SPIN3: variants seen among roughly 807,000 people sequenced by gnomAD.
SPIN3 encodes the protein spindlin family member 3.
For missense variants in SPIN3, 176 were observed against 196.4 expected, an observed-to-expected ratio of 0.90 and a Z score of 0.62; for synonymous variants, 74 against 74.3, an observed-to-expected ratio of 1.00 and a Z score of 0.02.
intron 3 of SPIN3, among the ~76,000 whole-genome samples, chrX:56,983,631 G>A (rs1034729384): frequency 2.7e-5 from 3 of 112,523 alleles, no homozygotes; most frequent in South Asian, 3.6e-4. Flanking sequence ...TAAGGCCAAC[G>A]AATATCTACA....
intron 1 of SPIN3, 21 bp downstream of exon 1, chrX:56,995,195 T>A: frequency 3.0e-6 from 1 of 338,736 alleles, no homozygotes; most frequent in Non-Finnish European, 5.1e-6. Flanking sequence ...CCCATTCCCC[T>A]CGCCCTGCTT....
chrX:56,981,047 AGGCCTAAAGCCTCT>A (rs1220700319), intron 3 of SPIN3, among the ~76,000 whole-genome samples: 1 of 109,689 alleles, frequency 9.1e-6, no homozygotes, highest in Non-Finnish European at 1.9e-5. Context: ...AGGGAAGAAG[AGGCCTAAAGCCTCT>A]CTAAATCCAC....
intron 3 of SPIN3, chrX:56,980,000 C>T (rs1170521482): frequency 8.9e-6 from 1 of 111,771 alleles, no homozygotes; most frequent in East Asian, 2.8e-4. Flanking sequence ...GCACTGTCAA[C>T]AACTTCACAC....
chrX:56,991,012 C>T lies in SPIN3; in HGVS notation c.*3159G>A, dbSNP rs1206264278. ...GGAATGATACATCAGTAACTGGTAA[C>T]AGTTGTTACTTTTTGAAAATGGGAC... is the stretch of plus-strand genomic sequence containing the variant. On this transcript the variant is annotated 3_prime_UTR_variant, in exon 2 of 2. Coordinates refer to ENST00000374919, the MANE Select transcript of SPIN3 (RefSeq NM_001010862.3). The T allele has an allele frequency of 9.1e-6, 1 of 110,328 alleles. No homozygotes were observed. The highest frequency in any genetic ancestry group is 9.6e-5 in the Admixed American group (1 of 10,387). The allele number at this position is 110,328 out of a possible 1,213,427, so 9.1% of individuals were successfully genotyped here. A position where few individuals can be genotyped will look rare whatever the true frequency, so the allele number is the denominator to read the frequency against.
At chrX:56,983,219 C>T (rs1034675532) in intron 3 of SPIN3, among the ~76,000 whole-genome samples, 4 of 111,817 alleles carry the variant, frequency 3.6e-5, no homozygotes, top group Non-Finnish European at 5.6e-5. Flanking sequence ...CCTGCCTTTC[C>T]TTGTGCAGGG....
chrX:56,985,739 C>A (rs1360503928), intron 2 of SPIN3, among the ~76,000 whole-genome samples: 2 of 111,870 alleles, frequency 1.8e-5, no homozygotes, highest in African/African-American at 3.3e-5. Context: ...ATTATTTAGA[C>A]CCTTATTTCC....
chrX:56,984,981 C>T lies in SPIN3; in HGVS notation c.226-503G>A, dbSNP rs1602739580. Among the ~76,000 whole-genome samples, 3 of 111,737 alleles carry T rather than the reference C, an allele frequency of 2.7e-5. No individual in the cohort carries two copies. In the South Asian group the frequency reaches 1.1e-3, roughly 42 times the overall value. On this transcript the variant is annotated intron_variant and NMD_transcript_variant, in intron 2 of 5. Transcript: ENST00000475785. ...CCTTCTTCATCTCTATCAGTGGCAA[C>T]TCCATCTTCCCAGTTGTTTTTTGGA... is the stretch of plus-strand genomic sequence containing the variant.
In SPIN3 at chrX:56,992,251, T is replaced by C; in HGVS notation, c.*1920A>G. 1 of 297,055 alleles carries C rather than the reference T, an allele frequency of 3.4e-6. No homozygotes were observed. The highest frequency in any genetic ancestry group is 4.8e-5 in the East Asian group (1 of 21,038). The allele number at this position is 297,055 out of a possible 1,213,427, so 24.5% of individuals were successfully genotyped here. ...AGTTGAATTAATCTAACCCCACAAT[T>C]GCATGTCATACATATTAAAGAGTCC... On this transcript the variant is annotated 3_prime_UTR_variant, in exon 2 of 2. Transcript: ENST00000374919.
downstream of SPIN3, among the ~76,000 whole-genome samples, chrX:56,990,371 G>A (rs1273623972): frequency 9.0e-6 from 1 of 111,497 alleles, no homozygotes; most frequent in Non-Finnish European, 1.9e-5. Flanking sequence ...ATTGATCAAC[G>A]TTTGGTAACA....
chrX:56,988,132 C>G (rs1028184826), downstream of SPIN3, among the ~76,000 whole-genome samples: 1 of 111,365 alleles, frequency 9.0e-6, no homozygotes, highest in Admixed American at 9.6e-5. Flanking sequence ...GTTTTTTTCA[C>G]TTATTCCACC....
At chrX:56,989,276 A>G (rs1924283610), downstream of SPIN3, among the ~76,000 whole-genome samples, 1 of 111,441 alleles carries the variant, frequency 9.0e-6, no homozygotes, top group Non-Finnish European at 1.9e-5. Flanking sequence ...CAGTAACTAG[A>G]TAAGACTTCA....
At chrX:56,986,084 T>A (rs1924215686), downstream of SPIN3, among the ~76,000 whole-genome samples, 1 of 111,569 alleles carries the variant, frequency 9.0e-6, no homozygotes, top group African/African-American at 3.3e-5. Context: ...TTATTATTAT[T>A]ATTTTTTTAA....
At chrX:56,981,684 T>C (rs1267058304) in intron 3 of SPIN3, 1 of 112,416 alleles carries the variant, frequency 8.9e-6, no homozygotes, top group African/African-American at 3.2e-5. Context: ...CTGGATTTTA[T>C]ACTTATTTCC....
rs1175565830 is a variant in SPIN3 at position 56,990,857 on chromosome X, T to C, written c.*3314A>G. ...AGGGATTAAGATATCAGCTTTAATATATTGTTCAGTGAAAAAAGCAAAATT... is the reference window on the plus strand; with the variant it reads ...AGGGATTAAGATATCAGCTTTAATACATTGTTCAGTGAAAAAAGCAAAATT... On this transcript the variant is annotated 3_prime_UTR_variant, in exon 2 of 2. Transcript: ENST00000374919. 9.1e-6 allele frequency: 1 copy of C among 109,680 alleles called. No homozygotes were observed. Among genetic ancestry groups the C allele is most frequent in the Non-Finnish European group, 1.9e-5 (1 of 52,710 alleles). The allele number at this position is 109,680 out of a possible 1,213,427, so 9.0% of individuals were successfully genotyped here.
Position 56,994,776 on chromosome X carries a change from A to C in SPIN3, c.172T>G (p.Trp58Gly). ...NIVGCRIQHG[W>G]KDGDEPLTQW... ...GTTAGAGGTTCATCTCCATCTTTCC[A>C]TCCGTGCTGAATTCTGCAGCCCACG... Residue 58 changes from tryptophan (W) to glycine (G), a missense_variant, in exon 2 of 2, where the codon TGG becomes GGG. Coordinates refer to ENST00000374919, the MANE Select transcript of SPIN3 (RefSeq NM_001010862.3). The C allele has an allele frequency of 8.3e-7, 1 of 1,211,469 alleles. No individual in the cohort carries two copies. The highest frequency in any genetic ancestry group is 1.1e-6 in the Non-Finnish European group (1 of 895,450).
At chrX:56,981,250 G>C (rs947289090) in intron 3 of SPIN3, among the ~76,000 whole-genome samples, 6 of 108,408 alleles carry the variant, frequency 5.5e-5, no homozygotes, top group Non-Finnish European at 1.1e-4. Flanking sequence ...TGTAGTCACA[G>C]ATACTTGGGA....
At chrX:56,984,964 A>G (rs1924194310) in intron 2 of SPIN3, among the ~76,000 whole-genome samples, 1 of 111,454 alleles carries the variant, frequency 9.0e-6, no homozygotes, top group Non-Finnish European at 1.9e-5. Context: ...AGCCTTCTTC[A>G]TCTCTATCAG....
rs1253866441 is a variant in SPIN3, at chrX:56,990,895, T to G, written c.*3276A>C. Reference sequence around the variant, plus strand: ...AAAAAGCAAAATTCAGAACAGCATGTATAGTATGCCACCATTTGTGTAAAA... The same window carrying G: ...AAAAAGCAAAATTCAGAACAGCATGGATAGTATGCCACCATTTGTGTAAAA... On this transcript the variant is annotated 3_prime_UTR_variant, in exon 2 of 2. Coordinates refer to ENST00000374919, the MANE Select transcript of SPIN3 (RefSeq NM_001010862.3). 2.1e-5 allele frequency: 2 copies of G among 95,396 alleles called. No individual in the cohort carries two copies. Among genetic ancestry groups the G allele is most frequent in the Non-Finnish European group, 4.2e-5 (2 of 47,345 alleles). The allele number at this position is 95,396 out of a possible 1,213,427, so 7.9% of individuals were successfully genotyped here.
Position 56,994,350 on chromosome X carries a change from T to C in SPIN3, c.598A>G (p.Arg200Gly). 1 of 1,211,806 alleles carries C rather than the reference T, an allele frequency of 8.3e-7. No individual in the cohort carries two copies. Among genetic ancestry groups the C allele is most frequent in the Non-Finnish European group, 1.1e-6 (1 of 895,534 alleles). ...CTGTCTATGACTTCTCCTGGCTCCC[T>C]CTCTGCCAGAGGAGAATCATTGGAA... ...QDSNDSPLAE[R>G]EPGEVIDSLV... Residue 200 changes from arginine (R) to glycine (G), a missense_variant, in exon 2 of 2, where the codon AGG (arginine) becomes GGG (glycine). Arg to Gly is a moderately radical substitution (Grantham distance 125). Coordinates refer to ENST00000374919, the MANE Select transcript of SPIN3 (RefSeq NM_001010862.3).
Sources: gnomAD v4.1 joint callset for allele counts (sites outside exome capture counted in the v4.1 genomes callset) on GRCh38, gnomAD v4.1.1 for gene constraint, MANE v1.5 for transcripts, NCBI Gene and HGNC (gene_info 2026-07-23, HGNC 2026-07-21) for gene names.